DHRS12: variants seen among roughly 807,000 people sequenced by gnomAD.
DHRS12 encodes the protein dehydrogenase/reductase 12.
A neutral mutation model predicts 32.1 loss-of-function variants in DHRS12; 29 were observed. That is an observed-to-expected ratio of 0.90 (90% CI 0.67 to 1.23). The LOEUF (loss-of-function observed/expected upper bound fraction) is 1.23. Ranked by LOEUF, DHRS12 falls within the 50% of genes most tolerant of loss-of-function variation. DHRS12 has a pLI of 0.00. For synonymous variants in DHRS12, 150 were observed against 135.9 expected, an observed-to-expected ratio of 1.10 and a Z score of -0.72; for missense variants, 330 against 337.2, an observed-to-expected ratio of 0.98 and a Z score of 0.17.
At chr13:51,758,569 A>G in the DHRS12 span, among the ~76,000 whole-genome samples, 1 of 152,004 alleles carries the variant, frequency 6.6e-6, no homozygotes. Context: ...AAAAAAAAAA[A>G]AAAGTTACCA....
chr13:51,799,543 C>A lies in DHRS12; in HGVS notation c.117G>T (p.Ser39=), dbSNP rs759791198. The change falls in exon 2 of 9, where the codon TCG becomes TCT. Residue 39 remains serine (S), a synonymous_variant. Coordinates refer to ENST00000444610, the MANE Select transcript of DHRS12 (RefSeq NM_001377533.1). ...GTTAGCAGCTGCTTACCTCGCTTGG[C>A]GATTTCAAGGGCAGTTGCTTTGCCA... The part of the protein sequence containing the change: ...AALAKQLPLK[S]PSENIFLHIV... 6.2e-7 allele frequency: 1 copy of A among 1,613,522 alleles called. No individual in the cohort carries two copies. The highest frequency in any genetic ancestry group is 1.7e-5 in the Admixed American group (1 of 60,018).
At chr13:51,779,871 G>T (rs937271572) in intron 4 of DHRS12, among the ~76,000 whole-genome samples, 1 of 152,140 alleles carries the variant, frequency 6.6e-6, no homozygotes, top group African/African-American at 2.4e-5. Flanking sequence ...GGGATAACCA[G>T]CTACCCTTTA....
In DHRS12 at chr13:51,799,813, C is replaced by T. The variant is rs1593572258; in HGVS notation, c.-8-146G>A. The T allele has an allele frequency of 5.6e-6, 5 of 890,038 alleles. No individual in the cohort carries two copies. In the East Asian group the frequency reaches 1.3e-4, roughly 23 times the overall value. 55.1% of individuals were successfully genotyped at this position (890,038 alleles called of 1,614,324 possible). Reference sequence around the variant, plus strand: ...CGAAACTCCTTTCTCCCTTGCCCTCCCTGCTCTCACAAACACCACTATCTC... The same window carrying T: ...CGAAACTCCTTTCTCCCTTGCCCTCTCTGCTCTCACAAACACCACTATCTC... On this transcript the variant is annotated intron_variant, in intron 1 of 8. Coordinates refer to ENST00000444610, the MANE Select transcript of DHRS12 (RefSeq NM_001377533.1).
intron 8 of DHRS12, 62 bp downstream of exon 8, chr13:51,769,094 G>A (rs375684409): frequency 6.5e-6 from 10 of 1,545,940 alleles, no homozygotes; most frequent in East Asian, 2.5e-5. Flanking sequence ...GGTGCGCCTC[G>A]AAGGCCCAGC....
At chr13:51,765,645 A>G (rs1953722790), downstream of DHRS12, 1 of 152,202 alleles carries the variant, frequency 6.6e-6, no homozygotes, top group African/African-American at 2.4e-5. Context: ...CCCTTGGATA[A>G]CGGAGAGCCT....
intron 1 of DHRS12, 144 bp from the exon 2 acceptor site, chr13:51,799,811 T>G: frequency 1.1e-6 from 1 of 905,836 alleles, no homozygotes; most frequent in Non-Finnish European, 1.6e-6. Flanking sequence ...TCCCTTGCCC[T>G]CCCTGCTCTC....
chr13:51,757,764 G>C, the DHRS12 span, among the ~76,000 whole-genome samples: 1 of 151,726 alleles, frequency 6.6e-6, no homozygotes, highest in African/African-American at 2.4e-5. Context: ...AAAAATGAAT[G>C]GAGGGGGATA....
At chr13:51,758,495 GA>G in the DHRS12 span, among the ~76,000 whole-genome samples, 3 of 150,096 alleles carry the variant, frequency 2.0e-5, no homozygotes, top group Non-Finnish European at 4.4e-5. Context: ...AGGCTACAGT[GA>G]GCTTTGATCA....
chr13:51,766,056 T>C (rs1326747395), downstream of DHRS12: 1 of 152,232 alleles, frequency 6.6e-6, no homozygotes, highest in Admixed American at 6.5e-5. Flanking sequence ...GTTTCACATA[T>C]ACACTTTTTA....
At chr13:51,797,423 C>T (rs951346169) in intron 2 of DHRS12, among the ~76,000 whole-genome samples, 2 of 152,132 alleles carry the variant, frequency 1.3e-5, no homozygotes, top group African/African-American at 4.8e-5. Flanking sequence ...TCATCAAGAC[C>T]CAAATGCTGC....
intron 7 of DHRS12, chr13:51,771,384 T>A: frequency 6.2e-7 from 1 of 1,614,118 alleles, no homozygotes; most frequent in South Asian, 1.1e-5. Context: ...ATTCGAGCTG[T>A]GTCCTTGTGG....
At chr13:51,778,177 G>A (rs918819994) in intron 4 of DHRS12, among the ~76,000 whole-genome samples, 6 of 152,232 alleles carry the variant, frequency 3.9e-5, no homozygotes, top group East Asian at 1.9e-4. Context: ...AGGCAAGTGC[G>A]GTGGCATTTT....
At chr13:51,776,860 G>C (rs905963478) in intron 5 of DHRS12, among the ~76,000 whole-genome samples, 200 bp downstream of exon 5, 4 of 152,124 alleles carry the variant, frequency 2.6e-5, no homozygotes, top group African/African-American at 9.7e-5. Flanking sequence ...GGGGTTGGGG[G>C]GGTTCAGAGA....
At chr13:51,794,989 TCCC>T (rs940288824) in intron 2 of DHRS12, among the ~76,000 whole-genome samples, 1 of 152,006 alleles carries the variant, frequency 6.6e-6, no homozygotes, top group Non-Finnish European at 1.5e-5. Context: ...AGTACTCCTT[TCCC>T]CAAGCTTAAG....
At chr13:51,771,057 G>A (rs1293410452) in intron 7 of DHRS12, 13 of 1,434,798 alleles carry the variant, frequency 9.1e-6, no homozygotes, top group East Asian at 7.5e-5. Context: ...GGCCAGGCCC[G>A]GCTGGGAGGT....
chr13:51,785,201 C>T (rs1954897500), intron 4 of DHRS12, among the ~76,000 whole-genome samples: 1 of 152,086 alleles, frequency 6.6e-6, no homozygotes, highest in South Asian at 2.1e-4. Flanking sequence ...ACACTCCAGC[C>T]TGGGTGACAG....
At position 51,768,502 on chromosome 13, in the gene DHRS12, T is replaced by C. The variant is rs1366560622; in HGVS notation, c.698-206A>G. On this transcript the variant is annotated intron_variant, in intron 8 of 8. Coordinates refer to ENST00000444610, the MANE Select transcript of DHRS12 (RefSeq NM_001377533.1). Reference sequence around the variant, plus strand: ...AAGTGCAGTTTGGGAACTGGGAGGCTGCAGCCAGGGCTGGACGGGAGACCA... The same window carrying C: ...AAGTGCAGTTTGGGAACTGGGAGGCCGCAGCCAGGGCTGGACGGGAGACCA... 3 of 1,417,838 alleles carry C rather than the reference T, an allele frequency of 2.1e-6. No individual in the cohort carries two copies. In the Admixed American group the frequency reaches 8.8e-5, roughly 41 times the overall value. The allele number at this position is 1,417,838 out of a possible 1,614,324, so 87.8% of individuals were successfully genotyped here. A position where few individuals can be genotyped will look rare whatever the true frequency, so the allele number is the denominator to read the frequency against.
intron 4 of DHRS12, chr13:51,777,392 C>A: frequency 2.1e-6 from 1 of 470,810 alleles, no homozygotes; most frequent in East Asian, 3.4e-5. Flanking sequence ...AACTGCCAAA[C>A]CGTAGATGGG....
At chr13:51,781,446 T>C (rs1265800717) in intron 4 of DHRS12, among the ~76,000 whole-genome samples, 1 of 152,170 alleles carries the variant, frequency 6.6e-6, no homozygotes, top group Non-Finnish European at 1.5e-5. Flanking sequence ...GAGGGCGCCC[T>C]GCCCTCTGCC....
Sources: allele counts gnomAD v4.1 joint callset (sites outside exome capture counted in the v4.1 genomes callset), GRCh38; gene constraint gnomAD v4.1.1; transcripts MANE v1.5; gene names NCBI Gene and HGNC (gene_info 2026-07-23, HGNC 2026-07-21).